The following ZNF385D variants were observed in gnomAD, a reference collection of about 807,000 sequenced individuals.
ZNF385D encodes zinc finger protein 659.
In ZNF385D, 15 loss-of-function variants were observed where a neutral mutation model predicts 35.8. That is an observed-to-expected ratio of 0.42 (90% CI 0.28 to 0.64). The LOEUF (loss-of-function observed/expected upper bound fraction) is 0.64. Among genes scored for constraint, ZNF385D ranks in the 30% least tolerant of loss-of-function variants. ZNF385D has a pLI of 0.23. For synonymous variants in ZNF385D, 212 were observed against 186.8 expected, an observed-to-expected ratio of 1.13 and a Z score of -1.10; for missense variants, 474 against 494.6, an observed-to-expected ratio of 0.96 and a Z score of 0.39.
chr3:22,183,427 G>A (rs887100310), intron 2 of ZNF385D, among the ~76,000 whole-genome samples: 2 of 151,794 alleles, frequency 1.3e-5, no homozygotes, highest in African/African-American at 4.8e-5. Flanking sequence ...GTGCAATCTT[G>A]GCTCACTACA....
intron 2 of ZNF385D, among the ~76,000 whole-genome samples, chr3:22,212,101 C>G (rs1393365917): frequency 1.3e-5 from 2 of 151,964 alleles, no homozygotes; most frequent in Non-Finnish European, 2.9e-5. Context: ...TTTTTCTTCA[C>G]AAACCTCTGT....
intron 3 of ZNF385D, among the ~76,000 whole-genome samples, chr3:21,816,371 G>C (rs2073149275): frequency 6.6e-6 from 1 of 152,178 alleles, no homozygotes; most frequent in Admixed American, 6.5e-5. Flanking sequence ...ATTCAATTAA[G>C]AAAAGAGGAA....
chr3:22,325,049 T>C (rs1368072086), intron 2 of ZNF385D, among the ~76,000 whole-genome samples: 1 of 152,224 alleles, frequency 6.6e-6, no homozygotes, highest in African/African-American at 2.4e-5. Flanking sequence ...GATAATTAAA[T>C]AATGAAAATG....
intron 3 of ZNF385D, among the ~76,000 whole-genome samples, chr3:21,756,678 A>G (rs769154108): frequency 1.3e-5 from 2 of 152,192 alleles, no homozygotes; most frequent in Non-Finnish European, 2.9e-5. Flanking sequence ...GCACAAGTAT[A>G]TGGGGAGTTA....
intron 3 of ZNF385D, among the ~76,000 whole-genome samples, chr3:21,843,373 C>A (rs1695800690): frequency 1.3e-5 from 2 of 151,892 alleles, no homozygotes; most frequent in South Asian, 4.2e-4. Flanking sequence ...GGGGAATTAT[C>A]CTGACCATTT....
At chr3:21,911,303 T>C (rs1699949561) in intron 3 of ZNF385D, among the ~76,000 whole-genome samples, 1 of 151,926 alleles carries the variant, frequency 6.6e-6, no homozygotes, top group South Asian at 2.1e-4. Flanking sequence ...GAAACATTAG[T>C]AAAGTTTATT....
intron 1 of ZNF385D, among the ~76,000 whole-genome samples, chr3:21,667,632 A>G (rs1249362731): frequency 6.6e-6 from 1 of 152,234 alleles, no homozygotes; most frequent in African/African-American, 2.4e-5. Context: ...TTGCTTCCGC[A>G]GAAAATACCA....
chr3:21,460,291 T>C (rs999622965), intron 4 of ZNF385D, among the ~76,000 whole-genome samples: 1 of 152,226 alleles, frequency 6.6e-6, no homozygotes, highest in African/African-American at 2.4e-5. Flanking sequence ...TTTTGGTTTT[T>C]GTGTCTGCTT....
chr3:21,962,628 A>G, intron 3 of ZNF385D, among the ~76,000 whole-genome samples: 1 of 152,202 alleles, frequency 6.6e-6, no homozygotes, highest in East Asian at 1.9e-4. Context: ...AGCTCCCAGA[A>G]GGGAAATGTG....
chr3:21,954,963 A>C (rs1702220880), intron 3 of ZNF385D, among the ~76,000 whole-genome samples: 1 of 152,154 alleles, frequency 6.6e-6, no homozygotes, highest in South Asian at 2.1e-4. Context: ...CTAGCCTTCG[A>C]AACACTTAGA....
intron 3 of ZNF385D, among the ~76,000 whole-genome samples, chr3:21,933,706 G>T (rs1420662758): frequency 6.6e-6 from 1 of 152,108 alleles, no homozygotes; most frequent in Admixed American, 6.5e-5. Flanking sequence ...TGACTCTACC[G>T]TTGAGTCTTC....
intron 3 of ZNF385D, among the ~76,000 whole-genome samples, chr3:22,118,004 ATGAACTTTGTTTAAAT>A (rs1702895955): frequency 6.6e-6 from 1 of 152,096 alleles, no homozygotes; most frequent in Non-Finnish European, 1.5e-5. Flanking sequence ...GGTCAACAAA[ATGAACTTTGTTTAAAT>A]AAAACCTGTG....
In ZNF385D at chr3:22,084,950, C is replaced by T. The variant is rs570628746; in HGVS notation, c.325+83867G>A. 2.4e-4 allele frequency among the ~76,000 whole-genome samples: 36 copies of T among 152,314 alleles called. No homozygotes were observed. In the East Asian group the frequency reaches 6.4e-3, roughly 27 times the overall value. On this transcript the variant is annotated intron_variant, in intron 3 of 5. Coordinates refer to the ZNF385D transcript ENST00000494108. ...TCAAAACCTCACAACTACATGGAAA[C>T]TGAACAACCTGCTCCTGAATGACTA...
intron 3 of ZNF385D, among the ~76,000 whole-genome samples, chr3:21,860,027 C>T (rs540151184): frequency 6.6e-6 from 1 of 152,058 alleles, no homozygotes; most frequent in African/African-American, 2.4e-5. Context: ...AACTTGGAAC[C>T]CACTTTTTTG....
At chr3:22,080,423 ATC>A (rs1005608623) in intron 3 of ZNF385D, among the ~76,000 whole-genome samples, 28 of 152,098 alleles carry the variant, frequency 1.8e-4, no homozygotes, top group African/African-American at 6.0e-4. Context: ...TAAATAAATA[ATC>A]TGTTTTCACC....
intron 3 of ZNF385D, among the ~76,000 whole-genome samples, chr3:21,523,022 T>C (rs1708014367): frequency 6.6e-6 from 1 of 152,196 alleles, no homozygotes; most frequent in Admixed American, 6.5e-5. Flanking sequence ...GTGTCATAAA[T>C]GTATTAAGGA....
intron 3 of ZNF385D, among the ~76,000 whole-genome samples, chr3:21,792,075 A>T (rs560999603): frequency 2.4e-4 from 36 of 152,314 alleles, no homozygotes; most frequent in South Asian, 2.1e-4. Context: ...TGCAAAAGAC[A>T]TTTGAGAATC....
rs147399511 is a variant in ZNF385D, at chr3:22,325,832, AT to A, written c.106+46617del. Among the ~76,000 whole-genome samples, 12 of 151,472 alleles carry A rather than the reference AT, an allele frequency of 7.9e-5. No homozygotes were observed. The South Asian group carries it at 1.3e-3, about 16-fold the overall frequency. ...ATCATGAGGGAACAAAAAGAATCAC[AT>A]TTTTTTTTCTCTAAAGGTCTGGTAG... On this transcript the variant is annotated intron_variant, in intron 2 of 5. Coordinates refer to the ZNF385D transcript ENST00000494108.
intron 3 of ZNF385D, among the ~76,000 whole-genome samples, chr3:22,063,349 A>T (rs1699781650): frequency 1.3e-5 from 2 of 152,188 alleles, no homozygotes; most frequent in South Asian, 4.1e-4. Flanking sequence ...CATTTTGATT[A>T]ATCTTCTCTT....
Sources: allele counts gnomAD v4.1 joint callset (sites outside exome capture counted in the v4.1 genomes callset), GRCh38; gene constraint gnomAD v4.1.1; transcripts MANE v1.5; gene names NCBI Gene and HGNC (gene_info 2026-07-23, HGNC 2026-07-21).